Variants in ZFHX3 observed in about 807,000 individuals in gnomAD.
ZFHX3 encodes zinc finger homeobox 3, also known as zinc finger homeobox protein 3.
Under a neutral mutation model 279.1 loss-of-function variants are expected in ZFHX3, and 42 were observed. The ratio of observed to expected loss-of-function variants is 0.15; its 90% confidence interval spans 0.12 to 0.19. The LOEUF is 0.19. Among genes scored for constraint, ZFHX3 ranks in the 10% least tolerant of loss-of-function variants. ZFHX3 has a pLI of 1.00. For synonymous variants in ZFHX3, 2,293 were observed against 1,957.8 expected (o/e 1.17, Z -4.52); for missense variants, 4,981 against 4,754.0 (o/e 1.05, Z -1.40).
chr16:73,400,478 C>T (rs925484040), intron 3 of ZFHX3: 1 of 152,192 alleles, frequency 6.6e-6, no homozygotes, highest in Non-Finnish European at 1.5e-5. Context: ...GTCCACAGCT[C>T]GGTCTCCACG....
chr16:73,578,411 T>G (rs2051823697), intron 2 of ZFHX3, among the ~76,000 whole-genome samples: 1 of 151,814 alleles, frequency 6.6e-6, no homozygotes, highest in African/African-American at 2.4e-5. Context: ...GGGAAGGATA[T>G]TTTCATTAAA....
At chr16:73,786,998 A>G (rs1474430074) in intron 1 of ZFHX3, among the ~76,000 whole-genome samples, 1 of 152,186 alleles carries the variant, frequency 6.6e-6, no homozygotes, top group Non-Finnish European at 1.5e-5. Flanking sequence ...AGTTACCATC[A>G]GTCCAGCTTC....
chr16:72,831,089 T>A (rs2037049816), intron 4 of ZFHX3, among the ~76,000 whole-genome samples: 1 of 152,222 alleles, frequency 6.6e-6, no homozygotes, highest in Non-Finnish European at 1.5e-5. Flanking sequence ...TCTACCCCAA[T>A]GCTACTTTTC....
chr16:72,925,778 G>T (rs973594286), intron 3 of ZFHX3, among the ~76,000 whole-genome samples: 4 of 152,202 alleles, frequency 2.6e-5, no homozygotes, highest in Non-Finnish European at 1.5e-5. Flanking sequence ...TGACCAAACT[G>T]CCCAGAGGGG....
upstream of ZFHX3, among the ~76,000 whole-genome samples, chr16:73,064,188 A>G (rs1299593383): frequency 1.5e-3 from 227 of 151,842 alleles, 1 homozygote; most frequent in Non-Finnish European, 4.4e-4. Flanking sequence ...GGCAGGAGGC[A>G]GGTGGGGGGT....
At chr16:73,679,658 G>A (rs1211031485) in intron 2 of ZFHX3, 1 of 152,230 alleles carries the variant, frequency 6.6e-6, no homozygotes, top group East Asian at 1.9e-4. Context: ...TTACTATTCT[G>A]TGGATTTCCT....
intron 4 of ZFHX3, among the ~76,000 whole-genome samples, chr16:73,307,503 T>A (rs921674020): frequency 9.9e-5 from 15 of 152,182 alleles, no homozygotes; most frequent in African/African-American, 3.6e-4. Flanking sequence ...AAAAACATAT[T>A]CTAGGATAGT....
chr16:73,524,101 C>T, intron 2 of ZFHX3, among the ~76,000 whole-genome samples: 1 of 152,168 alleles, frequency 6.6e-6, no homozygotes, highest in Admixed American at 6.5e-5. Flanking sequence ...GGACAGTAGG[C>T]TGGGTGATTT....
At chr16:73,586,878 T>C (rs985685212) in intron 2 of ZFHX3, among the ~76,000 whole-genome samples, 1 of 152,248 alleles carries the variant, frequency 6.6e-6, no homozygotes, top group African/African-American at 2.4e-5. Context: ...TCTATTATAG[T>C]CTGTTTAGCA....
In ZFHX3 at chr16:72,958,655, G is replaced by A. The variant is rs143012870; in HGVS notation, c.1491C>T (p.Ser497=). 4.4e-5 allele frequency: 71 copies of A among 1,613,852 alleles called. No homozygotes were observed. In the African/African-American group the frequency reaches 4.5e-4, roughly 10 times the overall value. Reference sequence around the variant, plus strand: ...TGTCCTCCAGTTCCTCATCCAACTCGCTTGGAAAGAGTCCTTTGCAACCCT... The same window carrying A: ...TGTCCTCCAGTTCCTCATCCAACTCACTTGGAAAGAGTCCTTTGCAACCCT... ...EDEGCKGLFP[S]ELDEELEDRP... is the part of the protein sequence containing the mutation. Residue 497 remains serine, a synonymous_variant, in exon 2 of 10, where the codon AGC becomes AGT. Transcript: ENST00000268489.
intron 5 of ZFHX3, among the ~76,000 whole-genome samples, chr16:73,207,406 G>T (rs934370744): frequency 6.6e-6 from 1 of 152,186 alleles, no homozygotes; most frequent in Admixed American, 6.5e-5. Context: ...TAATGAGAAG[G>T]CTACCTGTGG....
rs375026213 is a variant in ZFHX3, at chr16:73,861,231, C to T, written c.-1608+30420G>A. Among the ~76,000 whole-genome samples, 87 of 152,188 alleles carry T rather than the reference C, an allele frequency of 5.7e-4. 1 individual carries two copies. Among genetic ancestry groups the T allele is most frequent in the African/African-American group, 1.7e-3 (72 of 41,522 alleles). On this transcript the variant is annotated intron_variant, in intron 1 of 17. Coordinates refer to the ZFHX3 transcript ENST00000641206. ...TCTGCCCGCCTCGGTCTCCAAAATG[C>T]TGGGATCACAGGCATGAGCCACCAA...
intron 7 of ZFHX3, among the ~76,000 whole-genome samples, chr16:73,129,773 T>C (rs1480577941): frequency 6.6e-6 from 1 of 152,038 alleles, no homozygotes; most frequent in East Asian, 1.9e-4. Context: ...CTCATGCTCC[T>C]TTCAACCGAT....
chr16:73,731,656 AC>A (rs1011005919), intron 1 of ZFHX3, among the ~76,000 whole-genome samples: 37 of 145,180 alleles, frequency 2.5e-4, no homozygotes, highest in African/African-American at 8.3e-4. Context: ...GTGAAAAAAA[AC>A]CCATTCTGAA....
chr16:73,004,485 C>A (rs759257331), intron 1 of ZFHX3, among the ~76,000 whole-genome samples: 1 of 151,720 alleles, frequency 6.6e-6, no homozygotes, highest in Admixed American at 6.6e-5. Context: ...CCCACCATCA[C>A]GCCCAGCTAG....
chr16:73,473,358 C>CAAAAAAAAAAAAAAAAAAA (rs1300049292), intron 2 of ZFHX3, among the ~76,000 whole-genome samples: 3 of 43,156 alleles, frequency 7.0e-5, no homozygotes, highest in Non-Finnish European at 9.8e-5. Context: ...AAAAAAAAAA[C>CAAAAAAAAAAAAAAAAAAA]AAAAAAAAAA....
chr16:73,547,594 C>T (rs956371077), intron 2 of ZFHX3, among the ~76,000 whole-genome samples: 1 of 152,140 alleles, frequency 6.6e-6, no homozygotes, highest in East Asian at 1.9e-4. Context: ...ACAGCTTTCA[C>T]TGGCAAAAAT....
At chr16:73,484,726 C>G (rs2018943012) in intron 2 of ZFHX3, among the ~76,000 whole-genome samples, 1 of 152,212 alleles carries the variant, frequency 6.6e-6, no homozygotes, top group Non-Finnish European at 1.5e-5. Context: ...TATGTTTTAG[C>G]ATCTGTTGGT....
intron 2 of ZFHX3, among the ~76,000 whole-genome samples, chr16:73,571,660 A>T (rs1419304268): frequency 6.6e-6 from 1 of 152,132 alleles, no homozygotes; most frequent in Admixed American, 6.5e-5. Context: ...AAAACCTTCA[A>T]TAATAATTAC....
Sources: allele counts gnomAD v4.1 joint callset (sites outside exome capture counted in the v4.1 genomes callset), GRCh38; gene constraint gnomAD v4.1.1; transcripts MANE v1.5; gene names NCBI Gene and HGNC (gene_info 2026-07-23, HGNC 2026-07-21).